PHF24: variants seen among roughly 807,000 people sequenced by gnomAD.
PHF24 encodes Galpha inhibitory interacting protein.
A neutral mutation model predicts 42.6 loss-of-function variants in PHF24; 25 were observed. The observed-to-expected ratio is 0.59, with a 90% CI of 0.43 to 0.82. The LOEUF (loss-of-function observed/expected upper bound fraction) is 0.82. Ranked by LOEUF, PHF24 falls within the 40% of genes least tolerant of loss-of-function variation. The pLI, the probability that PHF24 is intolerant of heterozygous loss-of-function variation, is 0.00. For missense variants in PHF24, 470 were observed against 538.1 expected, an observed-to-expected ratio of 0.87 and a Z score of 1.25; for synonymous variants, 185 against 204.8, an observed-to-expected ratio of 0.90 and a Z score of 0.83.
At chr9:34,713,528 A>G in the PHF24 span, among the ~76,000 whole-genome samples, 1,205 of 152,090 alleles carry the variant, frequency 7.9e-3, 9 homozygotes, top group Non-Finnish European at 0.014. Context: ...TAAGTGTCCA[A>G]TCGGGCTCCA....
the PHF24 span, among the ~76,000 whole-genome samples, chr9:34,780,298 C>CTTT: frequency 8.4e-4 from 54 of 63,906 alleles, 1 homozygote; most frequent in African/African-American, 2.3e-3. Context: ...TTCTTTTTTT[C>CTTT]TTTTTTTTTT....
the PHF24 span, among the ~76,000 whole-genome samples, chr9:34,700,344 C>T: frequency 2.6e-5 from 4 of 152,064 alleles, no homozygotes; most frequent in Admixed American, 2.0e-4. Flanking sequence ...GAGGCCGTTG[C>T]AACAATCCAG....
chr9:34,918,130 G>A, the PHF24 span: 94 of 1,548,600 alleles, frequency 6.1e-5, no homozygotes, highest in Non-Finnish European at 7.0e-5. Flanking sequence ...GTAGCCAATC[G>A]TAGCGCCAGC....
the PHF24 span, among the ~76,000 whole-genome samples, chr9:34,781,950 G>T: frequency 3.9e-5 from 6 of 152,144 alleles, no homozygotes; most frequent in African/African-American, 1.4e-4. Context: ...TACATTCATT[G>T]TCCCCACATG....
At chr9:34,767,692 G>A in the PHF24 span, among the ~76,000 whole-genome samples, 22 of 152,320 alleles carry the variant, frequency 1.4e-4, no homozygotes, top group African/African-American at 4.8e-4. Flanking sequence ...TTCGGCTCGC[G>A]CATGGTGCGC....
the PHF24 span, among the ~76,000 whole-genome samples, chr9:34,893,312 A>G: frequency 6.6e-6 from 1 of 152,070 alleles, no homozygotes; most frequent in Non-Finnish European, 1.5e-5. Flanking sequence ...AGAAAATGCT[A>G]TTTGGAGGCT....
chr9:34,751,921 T>C, the PHF24 span, among the ~76,000 whole-genome samples: 1 of 151,970 alleles, frequency 6.6e-6, no homozygotes, highest in Non-Finnish European at 1.5e-5. Context: ...TATAAACAGA[T>C]GGAAATTAAA....
At chr9:34,726,432 G>A in the PHF24 span, 25 of 1,550,920 alleles carry the variant, frequency 1.6e-5, no homozygotes, top group South Asian at 1.9e-4. Flanking sequence ...GGATGCATCC[G>A]GTTCAGGGTT....
chr9:34,858,771 G>C, the PHF24 span, among the ~76,000 whole-genome samples: 1 of 152,310 alleles, frequency 6.6e-6, no homozygotes, highest in Non-Finnish European at 1.5e-5. Flanking sequence ...TCTTTGTCTA[G>C]TAAGTCTAAT....
the PHF24 span, among the ~76,000 whole-genome samples, chr9:34,850,394 C>T: frequency 2.6e-5 from 4 of 152,214 alleles, no homozygotes; most frequent in East Asian, 1.9e-4. Context: ...TTGGTCTCAT[C>T]GGCTTCTGAG....
At chr9:34,867,990 A>C in the PHF24 span, among the ~76,000 whole-genome samples, 10 of 152,126 alleles carry the variant, frequency 6.6e-5, no homozygotes, top group Admixed American at 1.3e-4. Context: ...GGGACTGTTG[A>C]TTTTGGTAGT....
chr9:34,870,545 T>G, the PHF24 span, among the ~76,000 whole-genome samples: 3 of 150,802 alleles, frequency 2.0e-5, no homozygotes, highest in Admixed American at 6.7e-5. Flanking sequence ...TTGATTTCGT[T>G]CACTTAGCAG....
the PHF24 span, among the ~76,000 whole-genome samples, chr9:34,679,917 A>C: frequency 5.3e-5 from 8 of 152,270 alleles, no homozygotes; most frequent in Non-Finnish European, 1.2e-4. Context: ...TTTGCCTGAC[A>C]GTCCAAATAT....
At chr9:34,921,991 ATAACTCCCTAAATGTTAACTGGCTC>A in the PHF24 span, among the ~76,000 whole-genome samples, 1 of 152,366 alleles carries the variant, frequency 6.6e-6, no homozygotes, top group East Asian at 1.9e-4. Context: ...ATGAAAACAG[ATAACTCCCTAAATGTTAACTGGCTC>A]TACTCCCCTA....
At chr9:34,728,541 A>C in the PHF24 span, 1 of 1,480,904 alleles carries the variant, frequency 6.8e-7, no homozygotes. Context: ...TCCAGAGGTC[A>C]CAGAGGGACA....
the PHF24 span, among the ~76,000 whole-genome samples, chr9:34,888,373 T>C: frequency 6.6e-6 from 1 of 152,208 alleles, no homozygotes; most frequent in African/African-American, 2.4e-5. Flanking sequence ...TAGCAAGTAC[T>C]TGAATATTTG....
the PHF24 span, chr9:34,836,038 G>A: frequency 3.2e-6 from 2 of 628,228 alleles, no homozygotes; most frequent in Non-Finnish European, 6.1e-6. Flanking sequence ...TCCCTCTGGG[G>A]GAAGCCAGCC....
chr9:34,970,646 A>G (rs1272079188), intron 1 of PHF24, among the ~76,000 whole-genome samples: 1 of 152,220 alleles, frequency 6.6e-6, no homozygotes, highest in African/African-American at 2.4e-5. Context: ...TCTTGTCTCA[A>G]AAGGCCTGAA....
At chr9:34,966,583 C>CA (rs145629079) in intron 1 of PHF24, among the ~76,000 whole-genome samples, 6,157 of 151,816 alleles carry the variant, frequency 0.041, 231 homozygotes, top group African/African-American at 0.095. Flanking sequence ...TGGCGAGACC[C>CA]CCCCCCTCGC....
Sources: gnomAD v4.1 joint callset for allele counts (sites outside exome capture counted in the v4.1 genomes callset) on GRCh38, gnomAD v4.1.1 for gene constraint, MANE v1.5 for transcripts, NCBI Gene and HGNC (gene_info 2026-07-23, HGNC 2026-07-21) for gene names.